Variants in SIK3 observed in about 807,000 individuals in gnomAD.
The protein encoded by SIK3 is SIK family kinase 3.
In SIK3, 28 loss-of-function variants were observed where a neutral mutation model predicts 144.2. The observed-to-expected ratio is 0.19, with a 90% confidence interval of 0.14 to 0.27. The LOEUF (loss-of-function observed/expected upper bound fraction) is 0.27, where lower values mean the gene tolerates loss of function less well. Among genes scored for constraint, SIK3 ranks in the 10% least tolerant of loss-of-function variants. SIK3 has a pLI of 1.00. For missense variants in SIK3, 1,319 were observed against 1,776.0 expected, an observed-to-expected ratio of 0.74 and a Z score of 4.62; for synonymous variants, 686 against 676.3, an observed-to-expected ratio of 1.01 and a Z score of -0.22.
At chr11:116,983,877 C>A (rs957342692) in intron 1 of SIK3, among the ~76,000 whole-genome samples, 7 of 151,892 alleles carry the variant, frequency 4.6e-5, no homozygotes, top group African/African-American at 1.7e-4. Flanking sequence ...CCAGCCTGGG[C>A]AACATGCGAA....
intron 1 of SIK3, among the ~76,000 whole-genome samples, chr11:117,084,828 C>T (rs1341731423): frequency 6.6e-6 from 1 of 152,032 alleles, no homozygotes; most frequent in Non-Finnish European, 1.5e-5. Flanking sequence ...TATTGCTTCA[C>T]AAATGCCATT....
At chr11:117,049,971 A>AG (rs397824002) in intron 1 of SIK3, among the ~76,000 whole-genome samples, 1 of 150,552 alleles carries the variant, frequency 6.6e-6, no homozygotes, top group Admixed American at 6.6e-5. Flanking sequence ...TAAAAAAAAA[A>AG]TAGGATCTTA....
chr11:117,075,001 C>T (rs1954446844), intron 1 of SIK3, among the ~76,000 whole-genome samples: 1 of 151,300 alleles, frequency 6.6e-6, no homozygotes, highest in South Asian at 2.1e-4. Context: ...TGGAATACCA[C>T]GTAGCTTTTT....
intron 1 of SIK3, among the ~76,000 whole-genome samples, chr11:117,009,960 T>G (rs1296578573): frequency 6.6e-6 from 1 of 152,074 alleles, no homozygotes; most frequent in African/African-American, 2.4e-5. Context: ...TGAAGATGCA[T>G]CTGGAAAAAA....
intron 1 of SIK3, among the ~76,000 whole-genome samples, chr11:116,992,516 G>A (rs1180632384): frequency 2.0e-5 from 3 of 151,766 alleles, no homozygotes; most frequent in African/African-American, 7.3e-5. Flanking sequence ...AAAAATAAAT[G>A]ATATGGCAAT....
At chr11:117,081,230 G>A (rs1243394367) in intron 1 of SIK3, among the ~76,000 whole-genome samples, 1 of 151,996 alleles carries the variant, frequency 6.6e-6, no homozygotes, top group Non-Finnish European at 1.5e-5. Flanking sequence ...GGAGAGATGA[G>A]GAACTTTCAC....
chr11:117,063,971 GA>G (rs537403987), intron 1 of SIK3, among the ~76,000 whole-genome samples: 10 of 148,526 alleles, frequency 6.7e-5, no homozygotes, highest in Non-Finnish European at 1.0e-4. Flanking sequence ...TATTCAGTCA[GA>G]AAAAAAAAAT....
At chr11:116,966,171 G>A (rs1949541195) in intron 1 of SIK3, among the ~76,000 whole-genome samples, 1 of 152,102 alleles carries the variant, frequency 6.6e-6, no homozygotes. Flanking sequence ...GGTGGCTCAT[G>A]CTGTAATCCC....
chr11:117,035,218 C>A (rs1404221751), intron 1 of SIK3, among the ~76,000 whole-genome samples: 1 of 152,068 alleles, frequency 6.6e-6, no homozygotes, highest in Non-Finnish European at 1.5e-5. Flanking sequence ...TAAACAAAAT[C>A]TGTTTATTTT....
intron 1 of SIK3, among the ~76,000 whole-genome samples, chr11:117,023,621 A>AAAATATATATATAT (rs754624841): frequency 6.3e-4 from 60 of 95,366 alleles, no homozygotes; most frequent in African/African-American, 2.5e-3. Flanking sequence ...AAAAAAAAAA[A>AAAATATATATATAT]ATATATATAT....
chr11:117,071,910 C>T (rs1954298356), intron 1 of SIK3, among the ~76,000 whole-genome samples: 1 of 144,110 alleles, frequency 6.9e-6, no homozygotes, highest in South Asian at 2.2e-4. Context: ...TGAGCCACCA[C>T]ACCCAGCCAA....
chr11:116,939,732 T>C (rs1472545747), intron 3 of SIK3, among the ~76,000 whole-genome samples: 1 of 152,336 alleles, frequency 6.6e-6, no homozygotes, highest in South Asian at 2.1e-4. Context: ...CAGGAACATG[T>C]TGAATGACAC....
chr11:116,906,143 T>C (rs1279462531), intron 4 of SIK3, among the ~76,000 whole-genome samples: 1 of 152,034 alleles, frequency 6.6e-6, no homozygotes, highest in Non-Finnish European at 1.5e-5. Flanking sequence ...AAGATTAGGT[T>C]AGGTGTGAGG....
chr11:116,895,003 T>C (rs912239159), intron 6 of SIK3, among the ~76,000 whole-genome samples: 1 of 152,196 alleles, frequency 6.6e-6, no homozygotes, highest in Non-Finnish European at 1.5e-5. Flanking sequence ...TTTTTCATCA[T>C]AAAATTTGGA....
chr11:117,018,084 A>G (rs907375089), intron 1 of SIK3, among the ~76,000 whole-genome samples: 102 of 152,150 alleles, frequency 6.7e-4, no homozygotes, highest in African/African-American at 2.4e-3. Flanking sequence ...AACCCCAGAT[A>G]ATGTGAAAAT....
intron 1 of SIK3, among the ~76,000 whole-genome samples, chr11:117,017,938 T>A (rs1275644956): frequency 6.6e-6 from 1 of 152,188 alleles, no homozygotes; most frequent in African/African-American, 2.4e-5. Flanking sequence ...TAGATATAAA[T>A]AAATCGAGCA....
chr11:116,951,618 A>G lies in SIK3; in HGVS notation c.454+2426T>C, dbSNP rs76538122. Among the ~76,000 whole-genome samples, 198 of 152,278 alleles carry G rather than the reference A, an allele frequency of 1.3e-3. 4 individuals carry two copies. The East Asian group carries it at 0.029, about 22-fold the overall frequency. The stretch of plus-strand genomic sequence containing the variant: ...CTTGAGGTACATTCACATGAAGTCC[A>G]GGACCAAGAAACGGATCTCTCTAAT... On this transcript the variant is annotated intron_variant, in intron 3 of 24. Coordinates refer to ENST00000445177, the MANE Select transcript of SIK3 (RefSeq NM_001366686.3).
intron 21 of SIK3, among the ~76,000 whole-genome samples, chr11:116,856,065 C>T (rs182630795): frequency 1.5e-3 from 228 of 151,944 alleles, no homozygotes; most frequent in African/African-American, 3.6e-3. Flanking sequence ...GGCGTGGTGG[C>T]GGGCACATGT....
chr11:116,978,193 T>C (rs890799527), intron 1 of SIK3, among the ~76,000 whole-genome samples: 2 of 150,946 alleles, frequency 1.3e-5, no homozygotes, highest in African/African-American at 2.5e-5. Context: ...ACTCCAGCCT[T>C]GGTGACAGAG....
Sources: gnomAD v4.1 joint callset for allele counts (sites outside exome capture counted in the v4.1 genomes callset) on GRCh38, gnomAD v4.1.1 for gene constraint, MANE v1.5 for transcripts, NCBI Gene and HGNC (gene_info 2026-07-23, HGNC 2026-07-21) for gene names.